Variants in CFAP299 observed in about 807,000 individuals in gnomAD.
CFAP299 encodes the protein cilia and flagella associated protein 299.
A neutral mutation model predicts 27.0 loss-of-function variants in CFAP299; 21 were observed. The observed-to-expected ratio is 0.78, with a 90% CI of 0.55 to 1.12. The LOEUF (loss-of-function observed/expected upper bound fraction) is 1.12. CFAP299 is among the 50% of genes most tolerant of loss of function. CFAP299 has a pLI of 0.00. For synonymous variants in CFAP299, 104 were observed against 98.1 expected (o/e 1.06, Z -0.36); for missense variants, 310 against 276.6 (o/e 1.12, Z -0.86).
intron 2 of CFAP299, among the ~76,000 whole-genome samples, chr4:80,528,386 T>C (rs1733296994): frequency 6.6e-6 from 1 of 152,150 alleles, no homozygotes; most frequent in South Asian, 2.1e-4. Context: ...TTATGGTTCA[T>C]GTAGCATTCT....
Position 80,389,063 on chromosome 4 carries a change from C to T in CFAP299, c.242+26179C>T, listed in dbSNP as rs556870010. On this transcript the variant is annotated intron_variant, in intron 2 of 5. Transcript: ENST00000358105. ...CTCTTTAATAAGTCAGATGATCATA[C>T]TATTTTTTCTTCTTTATTAAGTGTT... Among the ~76,000 whole-genome samples the T allele has an allele frequency of 1.4e-3, 218 of 152,212 alleles. 1 individual carries two copies. The highest frequency in any genetic ancestry group is 5.1e-3 in the African/African-American group (213 of 41,524).
At chr4:80,861,533 G>A (rs1257756158) in intron 3 of CFAP299, among the ~76,000 whole-genome samples, 2 of 152,100 alleles carry the variant, frequency 1.3e-5, no homozygotes, top group Non-Finnish European at 1.5e-5. Context: ...GACTGGAGCT[G>A]TTCCTATTCA....
At chr4:80,851,537 C>T (rs1041803636) in intron 3 of CFAP299, among the ~76,000 whole-genome samples, 4 of 151,998 alleles carry the variant, frequency 2.6e-5, no homozygotes, top group Non-Finnish European at 5.9e-5. Context: ...GAATGATTGC[C>T]TTTGTAGGAA....
chr4:80,567,769 T>C (rs1172236453), intron 2 of CFAP299, among the ~76,000 whole-genome samples: 1 of 150,030 alleles, frequency 6.7e-6, no homozygotes, highest in African/African-American at 2.5e-5. Context: ...AAGATTTTGT[T>C]GTTTAAATAC....
chr4:80,471,844 T>G (rs1332962326), intron 2 of CFAP299, among the ~76,000 whole-genome samples: 4 of 152,214 alleles, frequency 2.6e-5, no homozygotes, highest in African/African-American at 9.6e-5. Context: ...GCGCTTGCAC[T>G]CCTTCCCACA....
At chr4:80,664,156 G>T (rs1453033901) in intron 3 of CFAP299, among the ~76,000 whole-genome samples, 1 of 152,010 alleles carries the variant, frequency 6.6e-6, no homozygotes, top group African/African-American at 2.4e-5. Flanking sequence ...CCACCAGCAG[G>T]GCCCTGGGTT....
At chr4:80,766,107 A>C (rs1725847394) in intron 3 of CFAP299, among the ~76,000 whole-genome samples, 1 of 152,172 alleles carries the variant, frequency 6.6e-6, no homozygotes, top group Admixed American at 6.5e-5. Context: ...AATGAAAATA[A>C]GCTGTCATCT....
At chr4:80,493,029 G>A (rs1326517226) in intron 2 of CFAP299, among the ~76,000 whole-genome samples, 1 of 152,124 alleles carries the variant, frequency 6.6e-6, no homozygotes, top group African/African-American at 2.4e-5. Flanking sequence ...AGCCCTAGGA[G>A]GGGCAGCCTC....
intron 3 of CFAP299, among the ~76,000 whole-genome samples, chr4:80,706,412 C>T (rs1721823189): frequency 6.6e-6 from 1 of 151,436 alleles, no homozygotes; most frequent in Admixed American, 6.6e-5. Context: ...TCAAAGAAAC[C>T]AAAGGAATGG....
At chr4:80,504,346 A>C (rs1258245471) in intron 2 of CFAP299, among the ~76,000 whole-genome samples, 1 of 150,962 alleles carries the variant, frequency 6.6e-6, no homozygotes, top group African/African-American at 2.4e-5. Context: ...GAGAGCTGCC[A>C]TGTGGTGAAG....
At chr4:80,962,677 A>T (rs867620417) in intron 5 of CFAP299, among the ~76,000 whole-genome samples, 1 of 152,002 alleles carries the variant, frequency 6.6e-6, no homozygotes, top group Non-Finnish European at 1.5e-5. Context: ...TAAGTACCAT[A>T]TGGAAAAGGC....
intron 3 of CFAP299, among the ~76,000 whole-genome samples, chr4:80,782,121 T>C (rs145657314): frequency 2.2e-4 from 34 of 152,226 alleles, no homozygotes; most frequent in African/African-American, 8.2e-4. Context: ...TGGACAATTA[T>C]GGAATTTCTT....
the CFAP299 span, among the ~76,000 whole-genome samples, chr4:80,322,611 GT>G: frequency 6.6e-6 from 1 of 152,066 alleles, no homozygotes; most frequent in Non-Finnish European, 1.5e-5. Context: ...AGCGCTGTCT[GT>G]TCTGCTATCA....
chr4:80,538,801 C>A (rs540179034), intron 2 of CFAP299, among the ~76,000 whole-genome samples: 1 of 152,116 alleles, frequency 6.6e-6, no homozygotes, highest in South Asian at 2.1e-4. Context: ...CCTAACTCTG[C>A]GTTTCTCAGA....
In CFAP299 at chr4:80,747,056, G is replaced by C. The variant is rs578131053; in HGVS notation, c.334-122937G>C. On this transcript the variant is annotated intron_variant, in intron 3 of 5. Transcript: ENST00000358105. ...GAAGAATTAGGCAAGGAGCCTAAAG[G>C]AAATGCAGTGTTCTCTGTTCTCCCT... Among the ~76,000 whole-genome samples the C allele has an allele frequency of 5.9e-5, 9 of 152,080 alleles. No homozygotes were observed. The South Asian group carries it at 6.2e-4, about 10-fold the overall frequency.
intron 3 of CFAP299, among the ~76,000 whole-genome samples, chr4:80,815,373 G>T (rs961349726): frequency 7.9e-5 from 12 of 151,898 alleles, no homozygotes; most frequent in African/African-American, 2.4e-4. Context: ...ACAATTTTCA[G>T]AGTAAAGTCT....
chr4:80,634,341 C>T (rs1318205222), intron 3 of CFAP299, among the ~76,000 whole-genome samples: 2 of 152,100 alleles, frequency 1.3e-5, no homozygotes, highest in Admixed American at 6.6e-5. Flanking sequence ...AGAGCCACAA[C>T]AAATTCAATT....
At chr4:80,321,296 G>C in the CFAP299 span, among the ~76,000 whole-genome samples, 1 of 152,154 alleles carries the variant, frequency 6.6e-6, no homozygotes, top group East Asian at 1.9e-4. Flanking sequence ...TTAATCAAAT[G>C]TATCTTTGAT....
chr4:80,428,183 T>G (rs1206315427), intron 2 of CFAP299, among the ~76,000 whole-genome samples: 7 of 152,238 alleles, frequency 4.6e-5, no homozygotes. Context: ...GTATCTATTC[T>G]GATGCTATTA....
Sources: allele counts gnomAD v4.1 joint callset (sites outside exome capture counted in the v4.1 genomes callset), GRCh38; gene constraint gnomAD v4.1.1; transcripts MANE v1.5; gene names NCBI Gene and HGNC (gene_info 2026-07-23, HGNC 2026-07-21).